KIF24: variants seen among roughly 807,000 people sequenced by gnomAD.
KIF24 encodes the protein kinesin-like protein KIF24.
A neutral mutation model predicts 118.9 loss-of-function variants in KIF24; 81 were observed. The observed-to-expected ratio is 0.68, with a 90% confidence interval of 0.57 to 0.82. The LOEUF is 0.82. KIF24 is among the 40% of genes least tolerant of loss of function. The probability of loss-of-function intolerance (pLI) is 0.00; values close to 1 mark genes in which losing one functional copy is unlikely to be tolerated. For synonymous variants in KIF24, 599 were observed against 610.0 expected, an observed-to-expected ratio of 0.98 and a Z score of 0.27; for missense variants, 1,560 against 1,661.6, an observed-to-expected ratio of 0.94 and a Z score of 1.06.
At chr9:34,286,941 T>G (rs1053922352) in intron 5 of KIF24, among the ~76,000 whole-genome samples, 1 of 152,202 alleles carries the variant, frequency 6.6e-6, no homozygotes, top group African/African-American at 2.4e-5. Context: ...TGAGCACATA[T>G]CTAAACTATG....
chr9:34,324,921 C>T (rs1033412155), intron 1 of KIF24, among the ~76,000 whole-genome samples: 8 of 152,056 alleles, frequency 5.3e-5, no homozygotes, highest in Admixed American at 1.3e-4. Context: ...ATGTCCCTTC[C>T]GTGTCTGCAT....
chr9:34,332,774 T>G (rs1245343894), upstream of KIF24, among the ~76,000 whole-genome samples: 1 of 152,188 alleles, frequency 6.6e-6, no homozygotes, highest in African/African-American at 2.4e-5. Context: ...AAAGGTGCAT[T>G]TGAGGGAATA....
At position 34,254,432 on chromosome 9, in the gene KIF24, T is replaced by C. The variant is rs754116500; in HGVS notation, c.4055A>G (p.Tyr1352Cys). 4.0e-5 allele frequency: 65 copies of C among 1,613,706 alleles called. No homozygotes were observed. The highest frequency in any genetic ancestry group is 5.3e-5 in the Non-Finnish European group (63 of 1,179,864). ...TGCGGTGGGCCCGTGGCAGGTGAGA[T>C]AGAGCTGCAGCTGGCTCCTCAGACT... ...IQSLRSQLQL[Y>C]LTCHGPTAAP... The change falls in exon 13 of 13, where the codon TAT becomes TGT. Residue 1352 changes from tyrosine (Y) to cysteine (C), a missense_variant. By Grantham distance (194) the Tyr-to-Cys change is radical. Transcript: ENST00000402558.
chr9:34,286,158 A>C (rs1488306912), intron 6 of KIF24, among the ~76,000 whole-genome samples: 1 of 151,398 alleles, frequency 6.6e-6, no homozygotes, highest in East Asian at 2.0e-4. Flanking sequence ...ACATGGTGAA[A>C]CCCTGTCTCT....
rs1334226208 is a variant in KIF24, at chr9:34,254,922, G to A, written c.3966+150C>T. On this transcript the variant is annotated intron_variant, in intron 12 of 12. Transcript: ENST00000402558. ...CCTATACTCAAGATGTCTCAAAGGC[G>A]TGGCAAGAGGAGGTGTGAGGCCTCA... The A allele has an allele frequency of 2.0e-5, 12 of 614,550 alleles. No homozygotes were observed. In the Middle Eastern group the frequency reaches 9.3e-4, roughly 47 times the overall value. The allele number at this position is 614,550 out of a possible 1,614,324, so 38.1% of individuals were successfully genotyped here. A position where few individuals can be genotyped will look rare whatever the true frequency, so the allele number is the denominator to read the frequency against.
upstream of KIF24, chr9:34,329,652 C>G (rs1837822714): frequency 1.3e-5 from 2 of 152,356 alleles, no homozygotes; most frequent in African/African-American, 4.8e-5. Context: ...AGGAAATGAG[C>G]CTTGGAGCGA....
At chr9:34,290,115 G>T in intron 5 of KIF24, 59 bp downstream of exon 5, 1 of 1,225,698 alleles carries the variant, frequency 8.2e-7, no homozygotes, top group Non-Finnish European at 1.2e-6. Context: ...GTGATTCTCC[G>T]GGACTCTGGC....
intron 6 of KIF24, among the ~76,000 whole-genome samples, chr9:34,280,407 C>T (rs1185749684): frequency 6.6e-6 from 1 of 150,758 alleles, no homozygotes; most frequent in East Asian, 2.0e-4. Context: ...GAGTCTTCTT[C>T]TGAGTGTTTG....
intron 3 of KIF24, among the ~76,000 whole-genome samples, chr9:34,298,105 G>A (rs1228247416): frequency 1.3e-5 from 2 of 152,172 alleles, no homozygotes; most frequent in African/African-American, 4.8e-5. Flanking sequence ...AGGGAGTGAT[G>A]GAAGGGGGGA....
At chr9:34,268,349 A>G (rs1366477649) in intron 8 of KIF24, among the ~76,000 whole-genome samples, 2 of 152,002 alleles carry the variant, frequency 1.3e-5, no homozygotes, top group African/African-American at 4.8e-5. Context: ...TATTTTTAGT[A>G]GAGACAAGGT....
chr9:34,319,061 G>C, intron 1 of KIF24: 3 of 1,302,808 alleles, frequency 2.3e-6, no homozygotes, highest in Non-Finnish European at 3.3e-6. Flanking sequence ...CAAGATGGTG[G>C]AAAACCGTGG....
intron 10 of KIF24, among the ~76,000 whole-genome samples, chr9:34,258,218 C>T (rs1044226597): frequency 2.6e-5 from 4 of 152,140 alleles, no homozygotes; most frequent in African/African-American, 9.7e-5. Context: ...TCTGTAATCT[C>T]AGCACTTTGG....
intron 1 of KIF24, among the ~76,000 whole-genome samples, chr9:34,327,838 T>TTAAAA (rs1554668270): frequency 3.3e-5 from 4 of 122,960 alleles, no homozygotes; most frequent in Admixed American, 2.6e-4. Flanking sequence ...TTTTCTCTAA[T>TTAAAA]AAAAAAAAAA....
At chr9:34,285,700 G>A (rs1379380006) in intron 6 of KIF24, among the ~76,000 whole-genome samples, 8 of 150,780 alleles carry the variant, frequency 5.3e-5, no homozygotes, top group Admixed American at 4.0e-4. Context: ...GCATGAACCC[G>A]GGAGGCAGAG....
chr9:34,303,804 A>G (rs981876347), intron 3 of KIF24, among the ~76,000 whole-genome samples: 8 of 152,298 alleles, frequency 5.3e-5, no homozygotes, highest in African/African-American at 1.4e-4. Flanking sequence ...AGCCAGGATC[A>G]TACCACTGCA....
chr9:34,318,940 GACC>G lies in KIF24; in HGVS notation c.-25-7572_-25-7570del. The G allele has an allele frequency of 6.5e-7, 1 of 1,535,964 alleles. No individual in the cohort carries two copies. On this transcript the variant is annotated intron_variant, in intron 1 of 12. Coordinates refer to ENST00000402558, the MANE Select transcript of KIF24 (RefSeq NM_194313.4). This position sits in a 1 kb window ranked among gnomAD's most constrained non-coding sequence, Gnocchi z 4.9. ...AGTCCATCCACGAGTGGGCCGTGCA[GACC>G]ACCGACGGCAAGCTGCCCAAGGTCA...
rs1834669416 is a variant in KIF24, at chr9:34,253,087, A to G, written c.*1293T>C. On this transcript the variant is annotated 3_prime_UTR_variant, in exon 13 of 13. Coordinates refer to ENST00000402558, the MANE Select transcript of KIF24 (RefSeq NM_194313.4). ...CAGTGCCCTGCAGCCGGGAAGCACC[A>G]ATAAGGATGCCCCCTGGCGGTCAGA... 3.3e-5 allele frequency: 5 copies of G among 152,832 alleles called. No individual in the cohort carries two copies. Among genetic ancestry groups the G allele is most frequent in the Admixed American group, 3.3e-4 (5 of 15,290 alleles). The allele number at this position is 152,832 out of a possible 1,614,324, so 9.5% of individuals were successfully genotyped here. A position where few individuals can be genotyped will look rare whatever the true frequency, so the allele number is the denominator to read the frequency against.
chr9:34,264,154 G>C (rs1835196641), intron 8 of KIF24, among the ~76,000 whole-genome samples: 1 of 152,030 alleles, frequency 6.6e-6, no homozygotes, highest in African/African-American at 2.4e-5. Context: ...GGGTGCAGTG[G>C]CTCATGCCTG....
intron 1 of KIF24, among the ~76,000 whole-genome samples, chr9:34,314,704 C>A (rs558739018): frequency 6.6e-6 from 1 of 152,262 alleles, no homozygotes; most frequent in South Asian, 2.1e-4. Flanking sequence ...TCAGATAATA[C>A]GTACAAGTAC....
Sources: allele counts gnomAD v4.1 joint callset (sites outside exome capture counted in the v4.1 genomes callset), GRCh38; gene constraint gnomAD v4.1.1; non-coding constraint Gnocchi (gnomAD v3.1); transcripts MANE v1.5; gene names NCBI Gene and HGNC (gene_info 2026-07-23, HGNC 2026-07-21).